The following MYRIP variants were observed in gnomAD, a reference collection of about 807,000 sequenced individuals.
MYRIP encodes myosin VIIA and Rab interacting protein.
In MYRIP, 49 loss-of-function variants were observed where a neutral mutation model predicts 98.0. The ratio of observed to expected loss-of-function variants is 0.50; its 90% CI spans 0.40 to 0.63. MYRIP has a LOEUF of 0.63. MYRIP is among the 30% of genes least tolerant of loss of function. The pLI is 0.00. For missense variants in MYRIP, 1,004 were observed against 1,058.2 expected (o/e 0.95, Z 0.71); for synonymous variants, 404 against 409.5 (o/e 0.99, Z 0.16).
chr3:40,085,473 C>T (rs571999576), intron 3 of MYRIP, among the ~76,000 whole-genome samples: 17 of 152,060 alleles, frequency 1.1e-4, no homozygotes, highest in East Asian at 9.7e-4. Flanking sequence ...TTAGTAGAGA[C>T]GGGGTTTCAT....
intron 1 of MYRIP, among the ~76,000 whole-genome samples, chr3:39,856,094 T>C (rs1942283380): frequency 6.6e-6 from 1 of 152,228 alleles, no homozygotes; most frequent in Non-Finnish European, 1.5e-5. Context: ...TTTCATGATT[T>C]GGATTTTCAG....
chr3:40,070,792 A>G (rs1325462776), intron 3 of MYRIP, among the ~76,000 whole-genome samples: 1 of 152,184 alleles, frequency 6.6e-6, no homozygotes, highest in Non-Finnish European at 1.5e-5. Context: ...GCTGCTTTTG[A>G]TGATCAGGCT....
At chr3:39,918,630 A>C (rs1462400865) in intron 2 of MYRIP, among the ~76,000 whole-genome samples, 2 of 152,226 alleles carry the variant, frequency 1.3e-5, no homozygotes, top group Non-Finnish European at 1.5e-5. Flanking sequence ...ACAGATTAAT[A>C]GGGGAAATGG....
Position 40,135,650 on chromosome 3 carries a change from A to T in MYRIP, c.333-15398A>T, listed in dbSNP as rs1452347527. Among the ~76,000 whole-genome samples the T allele has an allele frequency of 3.9e-5, 6 of 152,366 alleles. No homozygotes were observed. In the East Asian group the frequency reaches 7.7e-4, roughly 20 times the overall value. On this transcript the variant is annotated intron_variant, in intron 3 of 16. Transcript: ENST00000302541. Reference sequence around the variant, plus strand: ...GCCAGAGAGAAAGGTCGGGTTACCCACAAAGGGAAGCCCATCAGACTAACA... The same window carrying T: ...GCCAGAGAGAAAGGTCGGGTTACCCTCAAAGGGAAGCCCATCAGACTAACA...
chr3:40,056,107 G>GAGCT, intron 3 of MYRIP, among the ~76,000 whole-genome samples: 1 of 152,166 alleles, frequency 6.6e-6, no homozygotes, highest in Non-Finnish European at 1.5e-5. Context: ...GCTCTTTAGC[G>GAGCT]AGCTTGTGTG....
At chr3:39,890,444 T>G (rs1030148040) in intron 1 of MYRIP, among the ~76,000 whole-genome samples, 2 of 152,100 alleles carry the variant, frequency 1.3e-5, no homozygotes, top group Admixed American at 6.6e-5. Context: ...CTCTTTCCAG[T>G]GTTCCAGTAA....
intron 15 of MYRIP, 104 bp downstream of exon 15, chr3:40,250,603 T>C: frequency 1.5e-6 from 2 of 1,308,740 alleles, no homozygotes; most frequent in Admixed American, 1.9e-5. Context: ...AATGGAGTGT[T>C]CTCACACAGA....
chr3:39,811,667 C>CTG (rs149573544), intron 1 of MYRIP, among the ~76,000 whole-genome samples: 12,751 of 149,858 alleles, frequency 0.085, 596 homozygotes, highest in African/African-American at 0.13. Flanking sequence ...TGGGGGGAGG[C>CTG]TGTGTGTGTG....
intron 1 of MYRIP, among the ~76,000 whole-genome samples, chr3:39,835,665 A>T (rs928462333): frequency 6.6e-6 from 1 of 152,170 alleles, no homozygotes; most frequent in African/African-American, 2.4e-5. Context: ...ACATAGGTAT[A>T]CATGTGCCAT....
At chr3:40,025,497 C>T (rs986095215) in intron 2 of MYRIP, among the ~76,000 whole-genome samples, 3 of 152,086 alleles carry the variant, frequency 2.0e-5, no homozygotes, top group Non-Finnish European at 4.4e-5. Flanking sequence ...TATTGTTATA[C>T]TCTAAGGTGG....
At chr3:40,031,446 G>C (rs1947259000) in intron 2 of MYRIP, among the ~76,000 whole-genome samples, 1 of 152,134 alleles carries the variant, frequency 6.6e-6, no homozygotes, top group East Asian at 1.9e-4. Flanking sequence ...CTGATGGCTA[G>C]AGGCTGCAAT....
chr3:39,859,194 A>G (rs1444854722), intron 1 of MYRIP, among the ~76,000 whole-genome samples: 9 of 152,116 alleles, frequency 5.9e-5, no homozygotes, highest in African/African-American at 2.2e-4. Context: ...TAAATGAAAC[A>G]GGATACAACT....
chr3:40,170,380 G>T (rs1470883719), intron 8 of MYRIP, among the ~76,000 whole-genome samples: 1 of 152,090 alleles, frequency 6.6e-6, no homozygotes, highest in African/African-American at 2.4e-5. Context: ...ATTCTGAAAA[G>T]AATTATACTG....
At chr3:39,809,437 G>A (rs1323863493), upstream of MYRIP, among the ~76,000 whole-genome samples, 1 of 147,410 alleles carries the variant, frequency 6.8e-6, no homozygotes, top group Non-Finnish European at 1.5e-5. Flanking sequence ...GAGGTGCTCT[G>A]GAGGAACCGG....
intron 16 of MYRIP, among the ~76,000 whole-genome samples, chr3:40,255,999 G>C (rs1034307506): frequency 1.3e-5 from 2 of 152,176 alleles, no homozygotes; most frequent in African/African-American, 4.8e-5. Context: ...CTGTCTAATA[G>C]AACTTTGTGT....
At position 40,045,500 on chromosome 3, in the gene MYRIP, G is replaced by A. The variant is rs184974028; in HGVS notation, c.332+1229G>A. Among the ~76,000 whole-genome samples, 220 of 152,270 alleles carry A rather than the reference G, an allele frequency of 1.4e-3. 4 individuals carry two copies. The highest frequency in any genetic ancestry group is 7.7e-4 in the East Asian group (4 of 5,174). On this transcript the variant is annotated intron_variant, in intron 3 of 16. Transcript: ENST00000302541. ...GAGGAAACTGGGATTATAGATGAGCGTGCATCTGGGAGTGATCAACAGAGA... is the reference window on the plus strand; with the variant it reads ...GAGGAAACTGGGATTATAGATGAGCATGCATCTGGGAGTGATCAACAGAGA...
chr3:39,842,603 G>A (rs544680575), intron 1 of MYRIP, among the ~76,000 whole-genome samples: 15 of 152,298 alleles, frequency 9.8e-5, no homozygotes, highest in Admixed American at 4.6e-4. Context: ...GCACCCAAGG[G>A]AATCTCCTTG....
chr3:39,978,668 C>T (rs529002279), intron 2 of MYRIP, among the ~76,000 whole-genome samples: 94 of 152,278 alleles, frequency 6.2e-4, no homozygotes, highest in Non-Finnish European at 1.1e-3. Flanking sequence ...TCTTAGAGAT[C>T]GCCAAGAAAT....
At chr3:40,115,778 T>C (rs375358069) in intron 3 of MYRIP, among the ~76,000 whole-genome samples, 1 of 151,724 alleles carries the variant, frequency 6.6e-6, no homozygotes, top group Non-Finnish European at 1.5e-5. Flanking sequence ...AGATTCCCAG[T>C]CCCTGGTTCA....
Sources: allele counts gnomAD v4.1 joint callset (sites outside exome capture counted in the v4.1 genomes callset), GRCh38; gene constraint gnomAD v4.1.1; transcripts MANE v1.5; gene names NCBI Gene and HGNC (gene_info 2026-07-23, HGNC 2026-07-21).